The following CFAP61 variants were observed in gnomAD, a reference collection of about 807,000 sequenced individuals.
CFAP61 encodes the protein cilia- and flagella-associated protein 61.
CFAP61 carries 107 observed loss-of-function variants against 135.6 expected under a neutral mutation model. The observed-to-expected ratio is 0.79, with a 90% CI of 0.67 to 0.93. The LOEUF is 0.93. CFAP61 is among the 40% of genes least tolerant of loss of function. The pLI, the probability that CFAP61 is intolerant of heterozygous loss-of-function variation, is 0.00. For synonymous variants in CFAP61, 575 were observed against 578.5 expected, an observed-to-expected ratio of 0.99 and a Z score of 0.09; for missense variants, 1,507 against 1,556.2, an observed-to-expected ratio of 0.97 and a Z score of 0.53.
At chr20:20,252,542 CT>C (rs34733331) in intron 20 of CFAP61, among the ~76,000 whole-genome samples, 10,030 of 149,404 alleles carry the variant, frequency 0.067, 1,127 homozygotes, top group East Asian at 0.53. Context: ...AACATTATGA[CT>C]TTTTTTTTTG....
chr20:20,144,826 A>G (rs1488540961), intron 9 of CFAP61, among the ~76,000 whole-genome samples: 2 of 152,154 alleles, frequency 1.3e-5, no homozygotes, highest in African/African-American at 4.8e-5. Context: ...TATGAATAAC[A>G]GGGGATTTCT....
chr20:20,144,533 A>G (rs1164859009), intron 9 of CFAP61, among the ~76,000 whole-genome samples: 1 of 152,166 alleles, frequency 6.6e-6, no homozygotes, highest in Admixed American at 6.5e-5. Context: ...CGTATCAGTG[A>G]GTTTGGGGAC....
At chr20:20,143,371 C>T (rs1285331726) in intron 9 of CFAP61, among the ~76,000 whole-genome samples, 1 of 152,154 alleles carries the variant, frequency 6.6e-6, no homozygotes, top group Non-Finnish European at 1.5e-5. Flanking sequence ...GCCCCATCTC[C>T]CAGCAAAGTC....
At position 20,360,565 on chromosome 20, in the gene CFAP61, G is replaced by C; in HGVS notation, c.*155G>C. ...TTTCCTTCCCTGACTTATGCCTGTA[G>C]TTTTCTATCATCCCAGTAGGTGGCA... is the stretch of plus-strand genomic sequence containing the variant. On this transcript the variant is annotated 3_prime_UTR_variant, in exon 27 of 27. Transcript: ENST00000245957. The C allele has an allele frequency of 1.6e-6, 1 of 644,750 alleles. No individual in the cohort carries two copies. Among genetic ancestry groups the C allele is most frequent in the South Asian group, 1.9e-5 (1 of 51,336 alleles). The allele number at this position is 644,750 out of a possible 1,614,324, so 39.9% of individuals were successfully genotyped here.
At chr20:20,342,140 T>C (rs975477860) in intron 26 of CFAP61, among the ~76,000 whole-genome samples, 5 of 152,234 alleles carry the variant, frequency 3.3e-5, no homozygotes, top group Admixed American at 6.5e-5. Flanking sequence ...CAAATTTCTT[T>C]TTCCTTTTTT....
intron 20 of CFAP61, among the ~76,000 whole-genome samples, chr20:20,259,223 A>G (rs1282028203): frequency 6.6e-6 from 1 of 150,556 alleles, no homozygotes; most frequent in Non-Finnish European, 1.5e-5. Flanking sequence ...CCTGATGTCA[A>G]CAGGAACCCA....
chr20:20,120,659 T>C (rs1325936820), intron 8 of CFAP61, among the ~76,000 whole-genome samples: 1 of 152,238 alleles, frequency 6.6e-6, no homozygotes, highest in Non-Finnish European at 1.5e-5. Flanking sequence ...TGGTCTTGTG[T>C]GTAGTTTAAA....
chr20:20,115,932 T>C (rs947963299), intron 8 of CFAP61, among the ~76,000 whole-genome samples: 3 of 152,226 alleles, frequency 2.0e-5, no homozygotes, highest in Non-Finnish European at 4.4e-5. Context: ...GTGTACTGAT[T>C]TGATTTCTTT....
At chr20:20,099,890 A>C (rs531941570) in intron 8 of CFAP61, among the ~76,000 whole-genome samples, 1 of 152,302 alleles carries the variant, frequency 6.6e-6, no homozygotes, top group Non-Finnish European at 1.5e-5. Context: ...AACCCCGTGC[A>C]CAGTGTCTAG....
chr20:20,060,747 A>G (rs1442970310), intron 2 of CFAP61, among the ~76,000 whole-genome samples: 1 of 152,232 alleles, frequency 6.6e-6, no homozygotes, highest in Non-Finnish European at 1.5e-5. Flanking sequence ...TTCAAGTCTA[A>G]GTCATAAGAA....
At chr20:20,130,427 T>C (rs547216793) in intron 8 of CFAP61, among the ~76,000 whole-genome samples, 13 of 151,986 alleles carry the variant, frequency 8.6e-5, no homozygotes, top group South Asian at 6.2e-4. Flanking sequence ...CATAGTTCCA[T>C]GTTTCCTGAT....
rs2055442963 is a variant in CFAP61, at chr20:20,296,049, TCCTTCCCTTCCTTC to T, written c.3217-2125_3217-2112del. On this transcript the variant is annotated intron_variant, in intron 24 of 26. Coordinates refer to ENST00000245957, the MANE Select transcript of CFAP61 (RefSeq NM_015585.4). ...TTCTTTCTTTTCTTCCTCCCTCCCT[TCCTTCCCTTCCTTC>T]CCTTCCTTCCCTCCTTTTCTTCCTT... Among the ~76,000 whole-genome samples, 7 of 20,892 alleles carry T rather than the reference TCCTTCCCTTCCTTC, an allele frequency of 3.4e-4. 1 individual carries two copies. Among genetic ancestry groups the T allele is most frequent in the Middle Eastern group, 0.015 (1 of 66 alleles). 13.7% of individuals were successfully genotyped at this position (20,892 alleles called of 152,430 possible).
intron 25 of CFAP61, among the ~76,000 whole-genome samples, chr20:20,310,026 G>A (rs1053969320): frequency 3.9e-5 from 6 of 152,090 alleles, no homozygotes; most frequent in Admixed American, 3.3e-4. Context: ...ATGGAGTCTC[G>A]CTCTGTCACC....
intron 25 of CFAP61, among the ~76,000 whole-genome samples, chr20:20,298,594 C>G (rs2055825856): frequency 6.6e-6 from 1 of 152,300 alleles, no homozygotes; most frequent in Non-Finnish European, 1.5e-5. Flanking sequence ...CACCTGGCCC[C>G]CATGGCCACA....
intron 6 of CFAP61, 93 bp from the exon 7 acceptor site, chr20:20,090,728 TCATGAGTGTTGCTCTAGCCCCGG>T (rs1293264808): frequency 4.5e-5 from 31 of 694,624 alleles, no homozygotes; most frequent in Non-Finnish European, 6.9e-5. Context: ...AAAGTTGATA[TCATGAGTGTTGCTCTAGCCCCGG>T]CACTTAGAAC....
chr20:20,336,625 TAA>T (rs35891459), intron 25 of CFAP61, among the ~76,000 whole-genome samples: 115 of 146,172 alleles, frequency 7.9e-4, no homozygotes, highest in Middle Eastern at 3.4e-3. Flanking sequence ...AACCTGTCTC[TAA>T]AAAAAAAAAA....
chr20:20,354,188 C>A (rs116354321), intron 26 of CFAP61, among the ~76,000 whole-genome samples: 2,518 of 152,058 alleles, frequency 0.017, 65 homozygotes, highest in African/African-American at 0.058. Context: ...CATGAATGAA[C>A]CTGGAGGACT....
rs375677296 is a variant in CFAP61, at chr20:20,169,451, G to C, written c.1376G>C (p.Gly459Ala). The change falls in exon 13 of 27, where the codon GGA (glycine) becomes GCA (alanine). Residue 459 changes from glycine to alanine, a missense_variant. Coordinates refer to ENST00000245957, the MANE Select transcript of CFAP61 (RefSeq NM_015585.4). ...GACCTCTACGTCTTCCACCGGGCTGGATTGCTCAAGTGAGTAGACACATGT... is the reference window on the plus strand; with the variant it reads ...GACCTCTACGTCTTCCACCGGGCTGCATTGCTCAAGTGAGTAGACACATGT... ...EQDLYVFHRA[G>A]LLKSINIRFA... is the part of the protein sequence containing the mutation. 6.2e-7 allele frequency: 1 copy of C among 1,612,846 alleles called. No individual in the cohort carries two copies. Among genetic ancestry groups the C allele is most frequent in the East Asian group, 2.2e-5 (1 of 44,852 alleles).
chr20:20,120,876 A>G (rs571522198), intron 8 of CFAP61, among the ~76,000 whole-genome samples: 7 of 152,278 alleles, frequency 4.6e-5, no homozygotes, highest in East Asian at 1.9e-4. Context: ...CTTTATCAGT[A>G]TATAGTGATC....
Sources: gnomAD v4.1 joint callset for allele counts (sites outside exome capture counted in the v4.1 genomes callset) on GRCh38, gnomAD v4.1.1 for gene constraint, MANE v1.5 for transcripts, NCBI Gene and HGNC (gene_info 2026-07-23, HGNC 2026-07-21) for gene names.